MINPP1: variants seen among roughly 807,000 people sequenced by gnomAD.
MINPP1 encodes the protein multiple inositol polyphosphate phosphatase 1.
A neutral mutation model predicts 46.1 loss-of-function variants in MINPP1; 28 were observed. The ratio of observed to expected loss-of-function variants is 0.61; its 90% confidence interval spans 0.45 to 0.83. MINPP1 has a LOEUF of 0.83. MINPP1 is among the 40% of genes least tolerant of loss of function. The pLI is 0.00. For synonymous variants in MINPP1, 268 were observed against 249.1 expected, an observed-to-expected ratio of 1.08 and a Z score of -0.72; for missense variants, 603 against 610.0, an observed-to-expected ratio of 0.99 and a Z score of 0.12.
chr10:87,550,648 T>C (rs1025951323), intron 4 of MINPP1, among the ~76,000 whole-genome samples: 2 of 152,134 alleles, frequency 1.3e-5, no homozygotes, highest in African/African-American at 4.8e-5. Flanking sequence ...GCTTGTCTCA[T>C]CTCACAGAGC....
chr10:87,538,176 C>T (rs573990004), intron 4 of MINPP1, among the ~76,000 whole-genome samples: 93 of 151,122 alleles, frequency 6.2e-4, no homozygotes, highest in Non-Finnish European at 1.1e-3. Context: ...TTTTCTCATA[C>T]GCATGTGCTG....
Position 87,505,608 on chromosome 10 carries a change from T to G in MINPP1, c.637+56T>G, listed in dbSNP as rs1243967586. 2 of 1,493,328 alleles carry G rather than the reference T, an allele frequency of 1.3e-6. No individual in the cohort carries two copies. Among genetic ancestry groups the G allele is most frequent in the Admixed American group, 1.9e-5 (1 of 51,770 alleles). 92.5% of individuals were successfully genotyped at this position (1,493,328 alleles called of 1,614,324 possible). On this transcript the variant is annotated intron_variant, in intron 1 of 4. Transcript: ENST00000371996. The surrounding 1 kb of genome is among the most constrained non-coding windows in gnomAD (Gnocchi z 4.4). ...CGGTCCTCCCACCCGCCCTGGATGC[T>G]CTCCCGCCTCCCCCAGACCCTGGGC...
chr10:87,523,905 G>A (rs1262334423), intron 4 of MINPP1, among the ~76,000 whole-genome samples: 1 of 152,186 alleles, frequency 6.6e-6, no homozygotes, highest in Non-Finnish European at 1.5e-5. Flanking sequence ...AAGCCATGCT[G>A]TGTAAAAATA....
intron 4 of MINPP1, among the ~76,000 whole-genome samples, 160 bp downstream of exon 4, chr10:87,521,329 T>G (rs1296742002): frequency 6.6e-6 from 1 of 152,192 alleles, no homozygotes; most frequent in African/African-American, 2.4e-5. Context: ...ATATGTAAAT[T>G]ATAAAACATA....
chr10:87,551,827 A>T (rs563331743), intron 4 of MINPP1, among the ~76,000 whole-genome samples: 3 of 152,240 alleles, frequency 2.0e-5, no homozygotes, highest in African/African-American at 4.8e-5. Context: ...CTTAAAGGAA[A>T]ATATGTATGC....
At chr10:87,516,658 AATAAGT>A (rs1851416110) in intron 3 of MINPP1, among the ~76,000 whole-genome samples, 1 of 104,648 alleles carries the variant, frequency 9.6e-6, no homozygotes. Context: ...TGTCTGCTTT[AATAAGT>A]ATATCTAGAT....
At chr10:87,533,246 T>G (rs1039004474) in intron 4 of MINPP1, among the ~76,000 whole-genome samples, 10 of 152,164 alleles carry the variant, frequency 6.6e-5, no homozygotes, top group Non-Finnish European at 1.5e-4. Context: ...TTTGATAGCA[T>G]GGTTTTACTT....
chr10:87,521,099 A>G lies in MINPP1; in HGVS notation c.997A>G (p.Ser333Gly). ...AAGAGGATATGGGTATACTATTAAC[A>G]GTCGATCCAGCTGCACCTTGTTTCA... ...WKRGYGYTIN[S>G]RSSCTLFQDI... The change falls in exon 4 of 5, where the codon AGT becomes GGT. Residue 333 changes from serine (S) to glycine (G), a missense_variant. This residue lies in a region of MINPP1 where 344 missense variants were observed against 381.1 expected (regional missense o/e 0.90). Transcript: ENST00000371996. 6.4e-7 allele frequency: 1 copy of G among 1,574,576 alleles called. No homozygotes were observed. Among genetic ancestry groups the G allele is most frequent in the South Asian group, 1.1e-5 (1 of 89,942 alleles).
Position 87,505,431 on chromosome 10 carries a change from G to T in MINPP1, c.516G>T (p.Glu172Asp), listed in dbSNP as rs1196551311. ...TCTTCCCGGCCCTTTTCAGCCGTGA[G>T]AACTACGGCCGCCTGCGGCTCATCA... ...ASLFPALFSR[E>D]NYGRLRLITS... Residue 172 changes from glutamate (E) to aspartate (D), a missense_variant, in exon 1 of 5, where the codon GAG (glutamate) becomes GAT (aspartate). Physicochemically the swap from Glu to Asp is conservative, Grantham distance 45. Coordinates refer to ENST00000371996, the MANE Select transcript of MINPP1 (RefSeq NM_004897.5). The surrounding 1 kb of genome is among the most constrained non-coding windows in gnomAD (Gnocchi z 4.4). The T allele has an allele frequency of 1.2e-5, 19 of 1,613,504 alleles. No individual in the cohort carries two copies. The highest frequency in any genetic ancestry group is 1.6e-5 in the Non-Finnish European group (19 of 1,179,758).
rs149670977 is a variant in MINPP1 at position 87,515,504 on chromosome 10, G to T, written c.933+2283G>T. Among the ~76,000 whole-genome samples, 1,026 of 152,234 alleles carry T rather than the reference G, an allele frequency of 6.7e-3. 3 individuals carry two copies. The highest frequency in any genetic ancestry group is 0.011 in the Non-Finnish European group (727 of 68,006). ...AATAGTTTCTTTTTACATGTGAAAA[G>T]AAATTAAATTCTTCTTTTAAAAATT... On this transcript the variant is annotated intron_variant, in intron 3 of 4. Transcript: ENST00000371996.
At chr10:87,549,865 A>G (rs1372697759) in intron 4 of MINPP1, among the ~76,000 whole-genome samples, 1 of 152,228 alleles carries the variant, frequency 6.6e-6, no homozygotes, top group African/African-American at 2.4e-5. Flanking sequence ...AATGTAAACC[A>G]GTATATTTAT....
chr10:87,504,965 C>T lies in MINPP1; in HGVS notation c.50C>T (p.Ala17Val). Residue 17 changes from alanine to valine, a missense_variant, in exon 1 of 5, where the codon GCG (alanine) becomes GTG (valine). Ala to Val is a moderately conservative substitution (Grantham distance 64). This residue lies in a region of MINPP1 where 239 missense variants were observed against 189.4 expected (regional missense o/e 1.26). Transcript: ENST00000371996. ...CTCCGGACCTCCGTAGCGCCTGCCG[C>T]GGCCCTGGCTGCGGCGCTGCTCTCG... Reference protein sequence around the residue: ...CLLRTSVAPAAALAAALLSSL... With the variant: ...CLLRTSVAPAVALAAALLSSL... 6.2e-7 allele frequency: 1 copy of T among 1,611,980 alleles called. No homozygotes were observed. Among genetic ancestry groups the T allele is most frequent in the Non-Finnish European group, 8.5e-7 (1 of 1,179,496 alleles).
intron 4 of MINPP1, among the ~76,000 whole-genome samples, chr10:87,531,117 TAAGA>T (rs1233124788): frequency 2.6e-4 from 40 of 152,266 alleles, no homozygotes; most frequent in African/African-American, 8.9e-4. Flanking sequence ...TTCCTTTGGC[TAAGA>T]AAGGGAATTC....
chr10:87,538,177 G>A (rs1266481973), intron 4 of MINPP1, among the ~76,000 whole-genome samples: 3 of 149,484 alleles, frequency 2.0e-5, no homozygotes, highest in East Asian at 2.0e-4. Context: ...TTTCTCATAC[G>A]CATGTGCTGT....
intron 3 of MINPP1, 34 bp downstream of exon 3, chr10:87,513,255 T>TA (rs754937270): frequency 1.9e-6 from 3 of 1,551,010 alleles, no homozygotes; most frequent in East Asian, 2.3e-5. Context: ...TTTGCTTTTT[T>TA]AAAAAAATTT....
intron 4 of MINPP1, among the ~76,000 whole-genome samples, chr10:87,544,549 C>T (rs1292401284): frequency 6.6e-6 from 1 of 152,132 alleles, no homozygotes; most frequent in Non-Finnish European, 1.5e-5. Flanking sequence ...CTGACCAGCT[C>T]CATCCTGAAG....
chr10:87,527,781 G>A (rs1237839019), intron 4 of MINPP1, among the ~76,000 whole-genome samples: 1 of 152,188 alleles, frequency 6.6e-6, no homozygotes, highest in African/African-American at 2.4e-5. Context: ...CAGAAGGAAT[G>A]GTACCAGCTC....
chr10:87,525,557 A>G (rs72634987), intron 4 of MINPP1, among the ~76,000 whole-genome samples: 1 of 151,906 alleles, frequency 6.6e-6, no homozygotes, highest in Non-Finnish European at 1.5e-5. Flanking sequence ...CACCTTTTTT[A>G]AAGTTATACT....
intron 4 of MINPP1, among the ~76,000 whole-genome samples, chr10:87,543,131 C>T (rs558967376): frequency 7.2e-5 from 11 of 152,230 alleles, no homozygotes; most frequent in Admixed American, 7.2e-4. Flanking sequence ...ACTGTGTGCC[C>T]TAGGGATACC....
Sources: gnomAD v4.1 joint callset for allele counts (sites outside exome capture counted in the v4.1 genomes callset) on GRCh38, gnomAD v4.1.1 for gene constraint, gnomAD v4.1.1 regional missense constraint, Gnocchi (gnomAD v3.1) non-coding constraint, MANE v1.5 for transcripts, NCBI Gene and HGNC (gene_info 2026-07-23, HGNC 2026-07-21) for gene names.